Variants in NCOA7 observed in about 807,000 individuals in gnomAD.
NCOA7 encodes nuclear receptor coactivator 7.
In NCOA7, 45 loss-of-function variants were observed where a neutral mutation model predicts 104.3. The observed-to-expected ratio is 0.43, with a 90% CI of 0.34 to 0.55. The LOEUF (loss-of-function observed/expected upper bound fraction) is 0.55. Ranked by LOEUF, NCOA7 falls within the 20% of genes least tolerant of loss-of-function variation. The pLI, the probability that NCOA7 is intolerant of heterozygous loss-of-function variation, is 0.02. For missense variants in NCOA7, 1,041 were observed against 1,119.7 expected (o/e 0.93, Z 1.00); for synonymous variants, 398 against 402.3 (o/e 0.99, Z 0.13).
At chr6:125,875,266 C>T in intron 4 of NCOA7, 1 of 274,704 alleles carries the variant, frequency 3.6e-6, no homozygotes. Flanking sequence ...CTTTCTTCCC[C>T]CACCACTCCA....
intron 1 of NCOA7, among the ~76,000 whole-genome samples, chr6:125,802,851 A>G (rs1252425236): frequency 6.6e-6 from 1 of 152,214 alleles, no homozygotes; most frequent in African/African-American, 2.4e-5. Flanking sequence ...TATTACACAC[A>G]TAATTTTTTT....
At chr6:125,857,659 G>A (rs1320244957) in intron 3 of NCOA7, among the ~76,000 whole-genome samples, 2 of 151,650 alleles carry the variant, frequency 1.3e-5, no homozygotes, top group Admixed American at 1.3e-4. Context: ...CTCTGGGGTT[G>A]AAGCAATTCT....
chr6:125,839,570 C>T (rs568040498), intron 2 of NCOA7, among the ~76,000 whole-genome samples: 92 of 152,156 alleles, frequency 6.0e-4, no homozygotes, highest in African/African-American at 2.2e-3. Context: ...TCCCTCCCTC[C>T]GCAGCTTTGA....
intron 10 of NCOA7, among the ~76,000 whole-genome samples, chr6:125,893,685 T>G (rs1784789518): frequency 6.6e-6 from 1 of 152,096 alleles, no homozygotes; most frequent in Admixed American, 6.6e-5. Context: ...TGGGTAGGTG[T>G]TTTTTTCTGT....
At chr6:125,808,922 T>C (rs1357549825) in intron 1 of NCOA7, among the ~76,000 whole-genome samples, 2 of 152,202 alleles carry the variant, frequency 1.3e-5, no homozygotes, top group African/African-American at 4.8e-5. Flanking sequence ...TGTTTAATTT[T>C]TCTCAGGTCA....
chr6:125,858,594 C>A (rs1781787538), intron 3 of NCOA7, among the ~76,000 whole-genome samples: 1 of 151,546 alleles, frequency 6.6e-6, no homozygotes, highest in Admixed American at 6.6e-5. Context: ...CTACTGCACT[C>A]CAGACTGAGT....
chr6:125,905,253 ATTTTTTTTTTT>A (rs375646356), intron 10 of NCOA7, among the ~76,000 whole-genome samples: 2 of 131,600 alleles, frequency 1.5e-5, no homozygotes, highest in Admixed American at 1.5e-4. Flanking sequence ...AAGGAATAAG[ATTTTTTTTTTT>A]TTTTTTTTTG....
intron 2 of NCOA7, among the ~76,000 whole-genome samples, chr6:125,833,793 C>CT (rs1253772887): frequency 1.3e-5 from 2 of 152,080 alleles, no homozygotes; most frequent in African/African-American, 4.8e-5. Flanking sequence ...GCTGGTGCAG[C>CT]TTTAAGACAT....
chr6:125,847,639 AT>A (rs1439225873), intron 2 of NCOA7, among the ~76,000 whole-genome samples: 5 of 152,228 alleles, frequency 3.3e-5, no homozygotes, highest in Non-Finnish European at 5.9e-5. Flanking sequence ...CTTACACCTT[AT>A]ACAAAAATTA....
At position 125,872,273 on chromosome 6, in the gene NCOA7, C is replaced by T. The variant is rs139651993; in HGVS notation, c.272-2616C>T. Among the ~76,000 whole-genome samples the T allele has an allele frequency of 2.3e-3, 343 of 152,258 alleles. 1 individual carries two copies. The highest frequency in any genetic ancestry group is 7.7e-3 in the African/African-American group (321 of 41,542). ...GCAAACACATATTTTTCTTTTGTAG[C>T]TGTGCAATATGTAAACTGTCACCAG... On this transcript the variant is annotated intron_variant, in intron 3 of 15. Transcript: ENST00000392477.
chr6:125,915,598 T>C, intron 11 of NCOA7, 118 bp downstream of exon 11: 1 of 1,250,198 alleles, frequency 8.0e-7, no homozygotes. Flanking sequence ...CCTATGAAAT[T>C]ACAGAGGAAA....
At chr6:125,890,009 T>G in intron 9 of NCOA7, 28 bp downstream of exon 9, 1 of 1,460,976 alleles carries the variant, frequency 6.8e-7, no homozygotes, top group Non-Finnish European at 9.0e-7. Flanking sequence ...AATGCCTTTA[T>G]ATTCTGTTGC....
chr6:125,862,064 A>AAAAAAAGG (rs1782112434), intron 3 of NCOA7, among the ~76,000 whole-genome samples: 1 of 118,064 alleles, frequency 8.5e-6, no homozygotes, highest in Admixed American at 7.8e-5. Flanking sequence ...AAAAAAAAAA[A>AAAAAAAGG]GAAAGTGATA....
intron 7 of NCOA7, 41 bp from the exon 8 acceptor site, chr6:125,885,118 T>C (rs769762656): frequency 6.2e-7 from 1 of 1,603,160 alleles, no homozygotes; most frequent in Non-Finnish European, 8.5e-7. Flanking sequence ...CTGAAAGCAT[T>C]TCTGCCTGAA....
intron 11 of NCOA7, among the ~76,000 whole-genome samples, chr6:125,917,204 G>A (rs1210976340): frequency 6.6e-6 from 1 of 152,082 alleles, no homozygotes; most frequent in East Asian, 1.9e-4. Flanking sequence ...GTTAGAATCT[G>A]TATTTTTCAA....
intron 4 of NCOA7, among the ~76,000 whole-genome samples, chr6:125,877,368 C>G (rs561739105): frequency 3.1e-4 from 47 of 152,322 alleles, no homozygotes; most frequent in African/African-American, 1.1e-3. Flanking sequence ...GGAGCCAGTT[C>G]TGCTTACAAA....
At chr6:125,925,041 C>T (rs377185370) in intron 13 of NCOA7, among the ~76,000 whole-genome samples, 5 of 152,292 alleles carry the variant, frequency 3.3e-5, no homozygotes, top group African/African-American at 1.2e-4. Context: ...AGGGGTCTCT[C>T]CTGCTCTCAT....
chr6:125,813,927 C>T (rs376955918), intron 1 of NCOA7, among the ~76,000 whole-genome samples: 3 of 132,306 alleles, frequency 2.3e-5, no homozygotes, highest in African/African-American at 8.2e-5. Context: ...TTAAGTATTC[C>T]TGAGGTCTAT....
chr6:125,801,822 G>C (rs1775914572), intron 1 of NCOA7, among the ~76,000 whole-genome samples: 1 of 152,208 alleles, frequency 6.6e-6, no homozygotes, highest in Admixed American at 6.5e-5. Context: ...CCACTCCAGT[G>C]TGATTTCATC....
Sources: allele counts gnomAD v4.1 joint callset (sites outside exome capture counted in the v4.1 genomes callset), GRCh38; gene constraint gnomAD v4.1.1; transcripts MANE v1.5; gene names NCBI Gene and HGNC (gene_info 2026-07-23, HGNC 2026-07-21).